Variants in HELZ observed in about 807,000 individuals in gnomAD.
HELZ encodes ATP-dependent RNA helicase with zinc finger domain.
In HELZ, 23 loss-of-function variants were observed where a neutral mutation model predicts 218.2. That is an observed-to-expected ratio of 0.11 (90% CI 0.08 to 0.15). The LOEUF (loss-of-function observed/expected upper bound fraction) is 0.15. Among genes scored for constraint, HELZ ranks in the 10% least tolerant of loss-of-function variants. HELZ has a pLI of 1.00. For synonymous variants in HELZ, 814 were observed against 829.4 expected (o/e 0.98, Z 0.32); for missense variants, 1,813 against 2,353.7 (o/e 0.77, Z 4.75).
intron 21 of HELZ, among the ~76,000 whole-genome samples, chr17:67,144,064 T>C (rs1426679787): frequency 1.3e-5 from 2 of 152,182 alleles, no homozygotes; most frequent in Admixed American, 6.5e-5. Flanking sequence ...CCCCTACGAA[T>C]GTAACTGATG....
intron 27 of HELZ, among the ~76,000 whole-genome samples, chr17:67,117,731 G>GT (rs1359052957): frequency 2.0e-5 from 3 of 151,948 alleles, no homozygotes; most frequent in Non-Finnish European, 4.4e-5. Flanking sequence ...TATACTTTTA[G>GT]TAGAGACAGG....
chr17:67,084,387 G>A (rs1458312948), intron 32 of HELZ, among the ~76,000 whole-genome samples: 1 of 152,184 alleles, frequency 6.6e-6, no homozygotes, highest in East Asian at 1.9e-4. Context: ...AAGAGGCCGG[G>A]CGCGGTGGCT....
At chr17:67,119,783 T>C (rs962026963) in intron 27 of HELZ, among the ~76,000 whole-genome samples, 1 of 152,008 alleles carries the variant, frequency 6.6e-6, no homozygotes, top group Non-Finnish European at 1.5e-5. Context: ...GAGAGGACCT[T>C]CCATCTCAAT....
intron 31 of HELZ, among the ~76,000 whole-genome samples, chr17:67,096,835 C>T (rs1043882900): frequency 1.3e-5 from 2 of 152,198 alleles, no homozygotes; most frequent in Admixed American, 6.5e-5. Flanking sequence ...TCATTACATT[C>T]TTATCATCTG....
chr17:67,132,491 C>A (rs1042405934), intron 23 of HELZ, among the ~76,000 whole-genome samples: 5 of 152,206 alleles, frequency 3.3e-5, no homozygotes, highest in African/African-American at 4.8e-5. Context: ...TGAAGTCAAT[C>A]TGACACCTGT....
intron 3 of HELZ, among the ~76,000 whole-genome samples, 190 bp downstream of exon 3, chr17:67,239,243 C>CA (rs1293854613): frequency 7.9e-5 from 12 of 152,212 alleles, no homozygotes; most frequent in Non-Finnish European, 1.5e-4. Context: ...CCTGACAAGG[C>CA]AGCAGGCAGT....
rs181296274 is a variant in HELZ at position 67,073,557 on chromosome 17, G to A, written c.*4695C>T. 6.6e-6 allele frequency: 1 copy of A among 152,230 alleles called. No individual in the cohort carries two copies. Among genetic ancestry groups the A allele is most frequent in the East Asian group, 1.9e-4 (1 of 5,184 alleles). The allele number at this position is 152,230 out of a possible 1,614,324, so 9.4% of individuals were successfully genotyped here. ...CTTTAGACGACCACTGCGGAACTGGGTTTGGTATTTAACCACAGTTCACAT... is the reference window on the plus strand; with the variant it reads ...CTTTAGACGACCACTGCGGAACTGGATTTGGTATTTAACCACAGTTCACAT... On this transcript the variant is annotated 3_prime_UTR_variant, in exon 33 of 33. Coordinates refer to ENST00000358691, the MANE Select transcript of HELZ (RefSeq NM_014877.4).
intron 5 of HELZ, among the ~76,000 whole-genome samples, chr17:67,215,559 G>A (rs1350224241): frequency 1.3e-5 from 2 of 152,086 alleles, no homozygotes; most frequent in Non-Finnish European, 2.9e-5. Flanking sequence ...ATATTGGCCA[G>A]GCTGGTCTCA....
At chr17:67,102,535 G>A (rs991364218) in intron 31 of HELZ, among the ~76,000 whole-genome samples, 5 of 152,116 alleles carry the variant, frequency 3.3e-5, no homozygotes, top group East Asian at 1.9e-4. Context: ...AATCTACTAA[G>A]TTTTCTGGGA....
At chr17:67,240,483 AT>A (rs1456608521) in intron 2 of HELZ, among the ~76,000 whole-genome samples, 4 of 152,198 alleles carry the variant, frequency 2.6e-5, no homozygotes, top group African/African-American at 4.8e-5. Context: ...AAAGTAAATA[AT>A]TTTTTAAAAC....
chr17:67,201,320 C>G (rs543025626), intron 6 of HELZ, 135 bp from the exon 7 acceptor site: 26 of 575,728 alleles, frequency 4.5e-5, no homozygotes, highest in Admixed American at 3.0e-5. Flanking sequence ...ATCACTACTA[C>G]CATTAACGAT....
At chr17:67,195,367 A>C in intron 8 of HELZ, 52 bp downstream of exon 8, 1 of 1,071,372 alleles carries the variant, frequency 9.3e-7, no homozygotes, top group Non-Finnish European at 1.4e-6. Context: ...AATTAATAAA[A>C]GCAAAGCCCT....
chr17:67,214,767 C>T (rs1391639889), intron 5 of HELZ, among the ~76,000 whole-genome samples: 1 of 152,168 alleles, frequency 6.6e-6, no homozygotes, highest in Non-Finnish European at 1.5e-5. Context: ...CTCCTAGATT[C>T]ATTCTAGTAA....
intron 7 of HELZ, among the ~76,000 whole-genome samples, chr17:67,200,063 G>A (rs1185495487): frequency 6.6e-6 from 1 of 152,056 alleles, no homozygotes; most frequent in African/African-American, 2.4e-5. Context: ...ACCTCCAAGA[G>A]GACAAGAACC....
At position 67,086,927 on chromosome 17, in the gene HELZ, G is replaced by A. The variant is rs766113500; in HGVS notation, c.5396C>T (p.Ser1799Leu). The change falls in exon 32 of 33, where the codon TCA becomes TTA. Residue 1799 changes from serine to leucine, a missense_variant. Ser to Leu is a moderately radical substitution (Grantham distance 145, BLOSUM62 -2). This residue lies in a region of HELZ where 938 missense variants were observed against 1,027.5 expected (regional missense o/e 0.91). Coordinates refer to ENST00000358691, the MANE Select transcript of HELZ (RefSeq NM_014877.4). ...DHSNQSSFNFSSPESWVNTTS... is the reference protein window; with the variant it reads ...DHSNQSSFNFLSPESWVNTTS... ...GGTGTTTACCCAGGACTCCGGGGATGAAAAGTTGAAAGAAGATTGGTTACT... is the reference window on the plus strand; with the variant it reads ...GGTGTTTACCCAGGACTCCGGGGATAAAAAGTTGAAAGAAGATTGGTTACT... 9.9e-6 allele frequency: 16 copies of A among 1,613,660 alleles called. No individual in the cohort carries two copies. The South Asian group carries it at 1.8e-4, about 18-fold the overall frequency.
At position 67,144,378 on chromosome 17, in the gene HELZ, A is replaced by T. The variant is rs117430022; in HGVS notation, c.2769+1365T>A. Among the ~76,000 whole-genome samples, 34 of 152,114 alleles carry T rather than the reference A, an allele frequency of 2.2e-4. 1 individual carries two copies. The East Asian group carries it at 6.4e-3, about 29-fold the overall frequency. ...TGTCTCAACAACCATGCTCTGGTGA[A>T]AGTCAAGGTGGTTTGAAATGTCTCT... On this transcript the variant is annotated intron_variant, in intron 21 of 32. Transcript: ENST00000358691.
intron 5 of HELZ, among the ~76,000 whole-genome samples, chr17:67,211,137 T>C (rs529311316): frequency 1.4e-4 from 22 of 152,148 alleles, no homozygotes; most frequent in Admixed American, 3.3e-4. Flanking sequence ...AAAGGTGCCC[T>C]TGAGTCCTCA....
At chr17:67,185,381 A>T (rs1355115679) in intron 12 of HELZ, among the ~76,000 whole-genome samples, 1 of 152,204 alleles carries the variant, frequency 6.6e-6, no homozygotes, top group Non-Finnish European at 1.5e-5. Context: ...TTCTGCTTTT[A>T]TTTCTTTACA....
Position 67,152,953 on chromosome 17 carries a change from C to T in HELZ, c.2178-1729G>A, listed in dbSNP as rs184731621. Among the ~76,000 whole-genome samples, 84 of 152,158 alleles carry T rather than the reference C, an allele frequency of 5.5e-4. 1 individual carries two copies. The highest frequency in any genetic ancestry group is 2.0e-3 in the African/African-American group (81 of 41,534). On this transcript the variant is annotated intron_variant, in intron 17 of 32. Transcript: ENST00000358691. Reference sequence around the variant, plus strand: ...GAAATAGGAGTAACTGTGTTAAATGCTGCTAAGAGGCTACGTAAAATGAAG... The same window carrying T: ...GAAATAGGAGTAACTGTGTTAAATGTTGCTAAGAGGCTACGTAAAATGAAG...
Sources: gnomAD v4.1 joint callset for allele counts (sites outside exome capture counted in the v4.1 genomes callset) on GRCh38, gnomAD v4.1.1 for gene constraint, gnomAD v4.1.1 regional missense constraint, MANE v1.5 for transcripts, NCBI Gene and HGNC (gene_info 2026-07-23, HGNC 2026-07-21) for gene names.